Variants in SNTG2 observed in about 807,000 individuals in gnomAD.
SNTG2 encodes gamma-2-syntrophin.
A neutral mutation model predicts 70.9 loss-of-function variants in SNTG2; 74 were observed. The observed-to-expected ratio is 1.04, with a 90% CI of 0.86 to 1.27. The LOEUF (loss-of-function observed/expected upper bound fraction) is 1.27, where lower values mean the gene tolerates loss of function less well. Ranked by LOEUF, SNTG2 falls within the 50% of genes most tolerant of loss-of-function variation. SNTG2 has a pLI of 0.00. For synonymous variants in SNTG2, 278 were observed against 273.8 expected (o/e 1.02, Z -0.15); for missense variants, 717 against 690.7 (o/e 1.04, Z -0.43).
intron 1 of SNTG2, among the ~76,000 whole-genome samples, chr2:974,846 C>T (rs1432054249): frequency 1.3e-5 from 2 of 152,170 alleles, no homozygotes; most frequent in Admixed American, 6.5e-5. Flanking sequence ...CTGACATTCT[C>T]TGTGGTTAGG....
At chr2:1,222,079 G>GTCTCTCTCTGTC (rs1553362204) in intron 9 of SNTG2, among the ~76,000 whole-genome samples, 1 of 14,582 alleles carries the variant, frequency 6.9e-5, no homozygotes, top group African/African-American at 2.3e-4. Context: ...CTCTGTCTCT[G>GTCTCTCTCTGTC]TCTCTGTCTC....
chr2:1,349,610 G>C (rs140735617), intron 16 of SNTG2, among the ~76,000 whole-genome samples: 19 of 152,328 alleles, frequency 1.2e-4, no homozygotes, highest in African/African-American at 3.8e-4. Flanking sequence ...CATGAACAAG[G>C]CCATCAGCTT....
intron 15 of SNTG2, among the ~76,000 whole-genome samples, chr2:1,309,199 A>G (rs938376219): frequency 5.3e-5 from 8 of 152,244 alleles, no homozygotes; most frequent in African/African-American, 1.9e-4. Flanking sequence ...AATCGAGTTG[A>G]AAGACTTACT....
chr2:1,141,768 A>G (rs1403595467), intron 6 of SNTG2, among the ~76,000 whole-genome samples: 3 of 127,894 alleles, frequency 2.3e-5, no homozygotes, highest in Non-Finnish European at 4.9e-5. Flanking sequence ...TAGGACACAT[A>G]TCTGTTCAGC....
At chr2:1,030,168 G>T (rs1660736046) in intron 1 of SNTG2, among the ~76,000 whole-genome samples, 1 of 152,158 alleles carries the variant, frequency 6.6e-6, no homozygotes. Flanking sequence ...ACTGGTTGTT[G>T]CTTTAGCTGT....
chr2:1,312,994 C>T (rs937598736), intron 15 of SNTG2, among the ~76,000 whole-genome samples: 1 of 152,206 alleles, frequency 6.6e-6, no homozygotes, highest in South Asian at 2.1e-4. Flanking sequence ...ACTGAGAGCA[C>T]CTCCAAGTCC....
At chr2:1,320,531 T>C (rs1681471598) in intron 16 of SNTG2, among the ~76,000 whole-genome samples, 1 of 94,462 alleles carries the variant, frequency 1.1e-5, no homozygotes, top group Non-Finnish European at 2.1e-5. Context: ...CGAGACTCCT[T>C]CTCAAAAAAA....
intron 2 of SNTG2, among the ~76,000 whole-genome samples, chr2:1,086,771 C>A (rs1664709101): frequency 6.6e-6 from 1 of 151,958 alleles, no homozygotes; most frequent in Admixed American, 6.5e-5. Context: ...TGTTTCAAAA[C>A]ATGAAATAGG....
chr2:1,073,381 C>T (rs1422071386), intron 1 of SNTG2, among the ~76,000 whole-genome samples: 1 of 152,216 alleles, frequency 6.6e-6, no homozygotes, highest in African/African-American at 2.4e-5. Context: ...GCAAGGTTCT[C>T]CACCAGCAAA....
chr2:1,035,409 G>A (rs1056958771), intron 1 of SNTG2, among the ~76,000 whole-genome samples: 1 of 151,978 alleles, frequency 6.6e-6, no homozygotes, highest in East Asian at 1.9e-4. Context: ...ATGTATTGAG[G>A]GTTACTTTCA....
intron 14 of SNTG2, among the ~76,000 whole-genome samples, chr2:1,302,283 G>C (rs984274683): frequency 6.6e-6 from 1 of 151,804 alleles, no homozygotes; most frequent in Non-Finnish European, 1.5e-5. Context: ...TATGTTTTAT[G>C]GTCGAAGAAA....
intron 9 of SNTG2, among the ~76,000 whole-genome samples, chr2:1,222,119 CTCTCTG>C (rs1324021158): frequency 1.9e-5 from 2 of 107,718 alleles, no homozygotes; most frequent in African/African-American, 9.2e-5. Flanking sequence ...CTCTCTGTCT[CTCTCTG>C]TCTCTCTCTG....
intron 1 of SNTG2, among the ~76,000 whole-genome samples, chr2:987,752 G>A (rs1227212754): frequency 2.0e-5 from 3 of 152,140 alleles, no homozygotes; most frequent in Non-Finnish European, 1.5e-5. Flanking sequence ...GAGGCCTGGA[G>A]GACAGGAGGG....
chr2:1,082,193 C>T (rs527392226), intron 1 of SNTG2, among the ~76,000 whole-genome samples: 4 of 152,298 alleles, frequency 2.6e-5, no homozygotes, highest in Non-Finnish European at 4.4e-5. Context: ...CCCTTCCTAC[C>T]GCACTGTGCT....
intron 1 of SNTG2, among the ~76,000 whole-genome samples, chr2:985,199 A>G (rs1005578720): frequency 6.6e-6 from 1 of 152,182 alleles, no homozygotes; most frequent in African/African-American, 2.4e-5. Context: ...CCCTCCAGGA[A>G]GAGCTTTTCC....
intron 9 of SNTG2, among the ~76,000 whole-genome samples, chr2:1,222,145 G>GTC (rs1675256911): frequency 1.4e-5 from 2 of 141,834 alleles, no homozygotes; most frequent in South Asian, 2.4e-4. Context: ...GTCTCTCTCT[G>GTC]TCTCTGCCTA....
chr2:997,532 T>A (rs759996050), intron 1 of SNTG2, among the ~76,000 whole-genome samples: 8 of 152,202 alleles, frequency 5.3e-5, no homozygotes, highest in Admixed American at 2.6e-4. Context: ...TCAATCTGAC[T>A]GTGCTGTGGG....
chr2:1,283,014 C>G (rs1679618061), intron 14 of SNTG2, among the ~76,000 whole-genome samples: 1 of 152,206 alleles, frequency 6.6e-6, no homozygotes, highest in Non-Finnish European at 1.5e-5. Flanking sequence ...AGGTGAGTAG[C>G]TAAGCTCAGA....
chr2:1,224,881 G>A (rs913988418), intron 9 of SNTG2, among the ~76,000 whole-genome samples: 3 of 152,332 alleles, frequency 2.0e-5, no homozygotes, highest in East Asian at 1.9e-4. Context: ...GAGTGGTTAC[G>A]TTCCTGGAGT....
Sources: gnomAD v4.1 joint callset for allele counts (sites outside exome capture counted in the v4.1 genomes callset) on GRCh38, gnomAD v4.1.1 for gene constraint, MANE v1.5 for transcripts, NCBI Gene and HGNC (gene_info 2026-07-23, HGNC 2026-07-21) for gene names.